Variants in MAP4 observed in about 807,000 individuals in gnomAD.
The protein encoded by MAP4 is microtubule associated protein 4.
MAP4 carries 76 observed loss-of-function variants against 170.2 expected under a neutral mutation model. The ratio of observed to expected loss-of-function variants is 0.45; its 90% CI spans 0.37 to 0.54. The LOEUF is 0.54. Ranked by LOEUF, MAP4 falls within the 20% of genes least tolerant of loss-of-function variation. MAP4 has a pLI of 0.00. For synonymous variants in MAP4, 909 were observed against 994.5 expected, an observed-to-expected ratio of 0.91 and a Z score of 1.62; for missense variants, 2,506 against 2,748.0, an observed-to-expected ratio of 0.91 and a Z score of 1.97.
At chr3:48,077,913 A>G (rs2100144759) in intron 1 of MAP4, among the ~76,000 whole-genome samples, 2 of 152,212 alleles carry the variant, frequency 1.3e-5, no homozygotes, top group Non-Finnish European at 2.9e-5. Flanking sequence ...ATTATGCTAA[A>G]TGAAAGAAGC....
At chr3:47,935,898 A>T (rs2100052471) in intron 3 of MAP4, among the ~76,000 whole-genome samples, 1 of 149,296 alleles carries the variant, frequency 6.7e-6, no homozygotes, top group Non-Finnish European at 1.5e-5. Flanking sequence ...GAGATCACAC[A>T]ACTGCACTCC....
chr3:48,074,097 G>A (rs1033706474), intron 1 of MAP4, among the ~76,000 whole-genome samples: 13 of 151,974 alleles, frequency 8.6e-5, no homozygotes, highest in Non-Finnish European at 1.8e-4. Flanking sequence ...AGAAAATGTG[G>A]CACATATACA....
At position 47,915,992 on chromosome 3, in the gene MAP4, T is replaced by G. The variant is rs377637248; in HGVS notation, c.1835A>C (p.Asp612Ala). Residue 612 changes from aspartate (D) to alanine (A), a missense_variant, in exon 7 of 21, where the codon GAT becomes GCT. Transcript: ENST00000683076. ...SEDSHLESLQ[D>A]VGQSAAPTFM... ...AGTAGGTGCAGCTGACTGCCCCACA[T>G]CCTGCAGAGATTCTAAATGGGAATC... 3.5e-5 allele frequency: 57 copies of G among 1,613,956 alleles called. No individual in the cohort carries two copies. The highest frequency in any genetic ancestry group is 4.5e-5 in the Non-Finnish European group (53 of 1,179,960).
chr3:48,062,208 G>A (rs1044141204), intron 1 of MAP4, among the ~76,000 whole-genome samples: 1 of 152,056 alleles, frequency 6.6e-6, no homozygotes, highest in Non-Finnish European at 1.5e-5. Context: ...CCCCAACCCG[G>A]TGCTCTCTGA....
chr3:47,877,821 C>A, intron 10 of MAP4: 4 of 178,814 alleles, frequency 2.2e-5, no homozygotes, highest in East Asian at 1.5e-4. Flanking sequence ...CCCTAGAGAC[C>A]AAAGGGACTC....
chr3:48,074,778 C>T (rs1187864901), intron 1 of MAP4, among the ~76,000 whole-genome samples: 1 of 150,406 alleles, frequency 6.6e-6, no homozygotes, highest in African/African-American at 2.5e-5. Context: ...ATCTTCTCAC[C>T]TCAGCCTCCC....
intron 1 of MAP4, among the ~76,000 whole-genome samples, chr3:48,015,456 C>T (rs2100107318): frequency 6.6e-6 from 1 of 152,154 alleles, no homozygotes; most frequent in Non-Finnish European, 1.5e-5. Context: ...ATATAGTGCT[C>T]ATTCCTCAGG....
intron 1 of MAP4, among the ~76,000 whole-genome samples, chr3:48,076,694 C>CGAACGAACGAAA (rs2100144109): frequency 6.6e-6 from 1 of 151,500 alleles, no homozygotes; most frequent in South Asian, 2.1e-4. Flanking sequence ...GAAGAAAGAA[C>CGAACGAACGAAA]GAACGAACGA....
rs375890916 is a variant in MAP4 at position 47,909,791 on chromosome 3, C to G, written c.4630G>C (p.Asp1544His). The G allele has an allele frequency of 3.3e-4, 530 of 1,613,896 alleles. 1 individual carries two copies. Among genetic ancestry groups the G allele is most frequent in the Non-Finnish European group, 4.4e-4 (519 of 1,179,898 alleles). ...GATTCTCCTATCACATGCCCTTCAT[C>G]GATCCCTGCTTCATTTTTCATGGAA... ...ADSMKNEAGIDEGHVIGESES... is the reference protein window; with the variant it reads ...ADSMKNEAGIHEGHVIGESES... The change falls in exon 9 of 21, where the codon GAT becomes CAT. Residue 1544 changes from aspartate (D) to histidine (H), a missense_variant. Physicochemically the swap from Asp to His is moderately conservative, Grantham distance 81 (BLOSUM62 -1). This residue lies in a region of MAP4 where 2,008 missense variants were observed against 2,206.0 expected (regional missense o/e 0.91). Coordinates refer to ENST00000683076, the MANE Select transcript of MAP4 (RefSeq NM_001385682.1).
chr3:48,058,106 G>C (rs572582962), intron 1 of MAP4, among the ~76,000 whole-genome samples: 2 of 152,114 alleles, frequency 1.3e-5, no homozygotes, highest in Non-Finnish European at 2.9e-5. Flanking sequence ...AAACCTAACA[G>C]TTCCATTTCG....
intron 8 of MAP4, among the ~76,000 whole-genome samples, chr3:47,913,155 G>A (rs1465325122): frequency 6.6e-6 from 1 of 152,176 alleles, no homozygotes; most frequent in Non-Finnish European, 1.5e-5. Flanking sequence ...CAATTAAGAT[G>A]AGTACCTTTG....
chr3:48,035,899 C>A (rs1310216628), intron 1 of MAP4, among the ~76,000 whole-genome samples: 3 of 152,080 alleles, frequency 2.0e-5, no homozygotes, highest in African/African-American at 7.2e-5. Context: ...GAGATCCCAC[C>A]ACTGCATTCC....
At chr3:47,925,261 A>G (rs764553689) in intron 4 of MAP4, among the ~76,000 whole-genome samples, 1 of 152,232 alleles carries the variant, frequency 6.6e-6, no homozygotes, top group Non-Finnish European at 1.5e-5. Context: ...ATTGGACGCC[A>G]TCTTGGCAGT....
In MAP4 at chr3:47,911,264, TA is replaced by T. The variant is rs2100035834; in HGVS notation, c.3156del (p.Phe1052LeufsTer20). ...CTTTTGCCATCACCTGCCATTCTCT[TA>T]AATGGTTCATTCTCTACCCCAGGGA... The part of the protein sequence containing the change: ...VQVPGVENEP[F>X]KRMAGDGKSR... On this transcript the variant is annotated frameshift_variant, in exon 9 of 21. Transcript: ENST00000683076. LOFTEE classifies it high-confidence loss of function. This position sits in a 1 kb window ranked among gnomAD's most constrained non-coding sequence, Gnocchi z 4.0. The T allele has an allele frequency of 5.9e-6, 9 of 1,536,138 alleles. No individual in the cohort carries two copies. The highest frequency in any genetic ancestry group is 7.8e-6 in the Non-Finnish European group (9 of 1,146,920).
At chr3:48,037,109 C>A (rs903629027) in intron 1 of MAP4, among the ~76,000 whole-genome samples, 5 of 151,992 alleles carry the variant, frequency 3.3e-5, no homozygotes, top group African/African-American at 9.7e-5. Flanking sequence ...GAAATAAAAT[C>A]TAAAAAGGAA....
chr3:48,084,801 A>AATTTT (rs2100148276), intron 1 of MAP4, among the ~76,000 whole-genome samples: 1 of 87,674 alleles, frequency 1.1e-5, no homozygotes, highest in African/African-American at 6.1e-5. Flanking sequence ...GGGACCGACT[A>AATTTT]AGTTGTTTTT....
chr3:48,019,045 G>T (rs992188973), upstream of MAP4, among the ~76,000 whole-genome samples: 1 of 152,078 alleles, frequency 6.6e-6, no homozygotes, highest in African/African-American at 2.4e-5. Flanking sequence ...CAAGATGGTC[G>T]ACCAGTTACT....
At chr3:48,061,963 G>T (rs1268853723) in intron 1 of MAP4, among the ~76,000 whole-genome samples, 1 of 151,948 alleles carries the variant, frequency 6.6e-6, no homozygotes, top group Non-Finnish European at 1.5e-5. Context: ...GAAGTGAGGA[G>T]CCCCTCTGCC....
rs145347742 is a variant in MAP4 at position 47,928,259 on chromosome 3, T to C, written c.384A>G (p.Gln128=). The part of the protein sequence containing the change: ...NWPEDTNFCF[Q]PEQVVDPIQT... The stretch of plus-strand genomic sequence containing the variant: ...GGATAGGATCGACCACTTGCTCAGG[T>C]TGGAAACAAAAGTTGGTATCTTCTG... Residue 128 remains glutamine (Q), a synonymous_variant, in exon 4 of 21, where the codon CAA becomes CAG. Coordinates refer to ENST00000683076, the MANE Select transcript of MAP4 (RefSeq NM_001385682.1). 68 of 1,614,164 alleles carry C rather than the reference T, an allele frequency of 4.2e-5. No individual in the cohort carries two copies. Among genetic ancestry groups the C allele is most frequent in the African/African-American group, 1.9e-4 (14 of 75,050 alleles).
Sources: gnomAD v4.1 joint callset for allele counts (sites outside exome capture counted in the v4.1 genomes callset) on GRCh38, gnomAD v4.1.1 for gene constraint, gnomAD v4.1.1 regional missense constraint, Gnocchi (gnomAD v3.1) non-coding constraint, MANE v1.5 for transcripts, NCBI Gene and HGNC (gene_info 2026-07-23, HGNC 2026-07-21) for gene names.